The following CCDC171 variants were observed in gnomAD, a reference collection of about 807,000 sequenced individuals.
The protein encoded by CCDC171 is coiled-coil domain-containing protein 171.
A neutral mutation model predicts 168.2 loss-of-function variants in CCDC171; 177 were observed. The observed-to-expected ratio is 1.05, with a 90% CI of 0.93 to 1.19. The LOEUF is 1.19. Ranked by LOEUF, CCDC171 falls within the 50% of genes most tolerant of loss-of-function variation. CCDC171 has a pLI of 0.00. For missense variants in CCDC171, 1,991 were observed against 1,539.0 expected (o/e 1.29, Z -4.91); for synonymous variants, 687 against 540.8 (o/e 1.27, Z -3.75).
chr9:15,570,467 G>A (rs1327885933), intron 2 of CCDC171, among the ~76,000 whole-genome samples: 5 of 151,300 alleles, frequency 3.3e-5, no homozygotes, highest in African/African-American at 1.2e-4. Context: ...CCATATTTTT[G>A]GTCTCTGCTT....
intron 6 of CCDC171, among the ~76,000 whole-genome samples, chr9:15,602,804 C>T (rs546908992): frequency 2.0e-5 from 3 of 151,450 alleles, no homozygotes; most frequent in Non-Finnish European, 3.0e-5. Flanking sequence ...ATTACAGGCA[C>T]GCACCACCAT....
the CCDC171 span, among the ~76,000 whole-genome samples, chr9:16,097,423 C>T: frequency 9.9e-5 from 15 of 152,284 alleles, no homozygotes; most frequent in African/African-American, 3.6e-4. Flanking sequence ...ATTGTCAGAA[C>T]AGGTGTATTT....
At chr9:15,621,626 A>G (rs1394237131) in intron 6 of CCDC171, among the ~76,000 whole-genome samples, 1 of 152,240 alleles carries the variant, frequency 6.6e-6, no homozygotes, top group Non-Finnish European at 1.5e-5. Flanking sequence ...AAGTCAAAAA[A>G]TAACAGATGC....
intron 3 of CCDC171, among the ~76,000 whole-genome samples, chr9:15,990,027 T>C (rs1247430825): frequency 1.3e-5 from 2 of 152,052 alleles, no homozygotes; most frequent in Non-Finnish European, 2.9e-5. Context: ...CAGGAGAACT[T>C]CCCCAACCTA....
intron 1 of CCDC171, among the ~76,000 whole-genome samples, chr9:16,059,644 A>G (rs1479369500): frequency 2.7e-5 from 4 of 149,444 alleles, no homozygotes; most frequent in Admixed American, 2.0e-4. Context: ...CCTCCCGAGT[A>G]GCTGGGACTA....
chr9:15,594,739 G>A (rs1215184886), intron 6 of CCDC171, among the ~76,000 whole-genome samples: 2 of 152,134 alleles, frequency 1.3e-5, no homozygotes, highest in African/African-American at 4.8e-5. Context: ...GGAAAAGGCT[G>A]CAGGTCTCTG....
At chr9:15,590,756 C>CTTCTTTCTTTCTTTCTCT (rs1354533425) in intron 4 of CCDC171, among the ~76,000 whole-genome samples, 5 of 122,370 alleles carry the variant, frequency 4.1e-5, no homozygotes, top group Non-Finnish European at 1.8e-5. Flanking sequence ...AGATTTTTTT[C>CTTCTTTCTTTCTTTCTCT]TTCTTTCTTT....
At chr9:15,892,512 G>A (rs1184884796) in intron 24 of CCDC171, among the ~76,000 whole-genome samples, 1 of 152,042 alleles carries the variant, frequency 6.6e-6, no homozygotes, top group Non-Finnish European at 1.5e-5. Flanking sequence ...CACGTTTATT[G>A]ATTTGGTTAT....
At chr9:15,629,570 C>T (rs773551202) in intron 7 of CCDC171, among the ~76,000 whole-genome samples, 5 of 152,122 alleles carry the variant, frequency 3.3e-5, no homozygotes, top group South Asian at 2.1e-4. Flanking sequence ...CTGAAAATGA[C>T]GGGGAGAATG....
chr9:15,848,579 T>C (rs1266594806), intron 22 of CCDC171, among the ~76,000 whole-genome samples: 1 of 151,892 alleles, frequency 6.6e-6, no homozygotes, highest in Non-Finnish European at 1.5e-5. Flanking sequence ...AATAATGTAA[T>C]TGTGATTTTT....
intron 21 of CCDC171, among the ~76,000 whole-genome samples, chr9:15,809,804 G>C (rs978104270): frequency 1.3e-5 from 2 of 152,204 alleles, no homozygotes; most frequent in Non-Finnish European, 2.9e-5. Context: ...ATGTGGAAGA[G>C]GACCCGAACG....
At chr9:15,643,744 A>G (rs1011079677) in intron 7 of CCDC171, among the ~76,000 whole-genome samples, 1 of 152,144 alleles carries the variant, frequency 6.6e-6, no homozygotes, top group African/African-American at 2.4e-5. Flanking sequence ...CTTCTTCCCT[A>G]TCCTCCTGCA....
intron 19 of CCDC171, among the ~76,000 whole-genome samples, chr9:15,778,187 C>G (rs1433496067): frequency 6.6e-6 from 1 of 151,292 alleles, no homozygotes; most frequent in African/African-American, 2.4e-5. Flanking sequence ...GTCCCAGCTA[C>G]TCGGGAGGCT....
rs1003261353 is a variant in CCDC171, at chr9:15,729,701, A to G, written c.1952A>G (p.Glu651Gly). The G allele has an allele frequency of 6.9e-5, 111 of 1,613,480 alleles. No homozygotes were observed. The highest frequency in any genetic ancestry group is 9.2e-5 in the Non-Finnish European group (108 of 1,179,634). Residue 651 changes from glutamate to glycine, a missense_variant, in exon 16 of 26, where the codon GAA (glutamate) becomes GGA (glycine). Glu to Gly is a moderately conservative substitution (Grantham distance 98, BLOSUM62 -2). Transcript: ENST00000380701. ...TQEDTFTKVAEQIKAQESCWH... is the reference protein window; with the variant it reads ...TQEDTFTKVAGQIKAQESCWH... ...GAAGACACCTTTACCAAAGTGGCAG[A>G]ACAGATCAAAGCCCAAGAGAGCTGC...
chr9:15,653,523 A>T (rs1013197480), intron 7 of CCDC171, among the ~76,000 whole-genome samples: 1 of 152,160 alleles, frequency 6.6e-6, no homozygotes, highest in Non-Finnish European at 1.5e-5. Flanking sequence ...GTTGTTTAAA[A>T]AATGTTTCTC....
At chr9:15,593,529 A>G (rs1297589309) in intron 5 of CCDC171, among the ~76,000 whole-genome samples, 2 of 152,032 alleles carry the variant, frequency 1.3e-5, no homozygotes, top group Non-Finnish European at 2.9e-5. Context: ...GTTGCACAGA[A>G]TTCTTTTCTT....
intron 16 of CCDC171, among the ~76,000 whole-genome samples, chr9:15,739,288 A>C (rs1186963202): frequency 6.6e-6 from 1 of 152,218 alleles, no homozygotes; most frequent in Non-Finnish European, 1.5e-5. Context: ...TTAAATTGTG[A>C]AAAGTAGTGG....
chr9:15,864,241 A>G (rs572184400), intron 23 of CCDC171, among the ~76,000 whole-genome samples: 1 of 152,154 alleles, frequency 6.6e-6, no homozygotes, highest in East Asian at 1.9e-4. Flanking sequence ...AATCTCTAAA[A>G]GCATATACTT....
chr9:15,998,179 C>G (rs1000645425), intron 3 of CCDC171, among the ~76,000 whole-genome samples: 1 of 152,214 alleles, frequency 6.6e-6, no homozygotes, highest in Non-Finnish European at 1.5e-5. Flanking sequence ...CCTCGGTTCC[C>G]AGACCCATGT....
Sources: allele counts gnomAD v4.1 joint callset (sites outside exome capture counted in the v4.1 genomes callset), GRCh38; gene constraint gnomAD v4.1.1; transcripts MANE v1.5; gene names NCBI Gene and HGNC (gene_info 2026-07-23, HGNC 2026-07-21).